Variants in CD101 observed in about 807,000 individuals in gnomAD.
The protein encoded by CD101 is CD101 molecule.
In CD101, 76 loss-of-function variants were observed where a neutral mutation model predicts 98.2. The ratio of observed to expected loss-of-function variants is 0.77; its 90% CI spans 0.64 to 0.94. The LOEUF (loss-of-function observed/expected upper bound fraction) is 0.94. Among genes scored for constraint, CD101 ranks in the 40% least tolerant of loss-of-function variants. The pLI, the probability that CD101 is intolerant of heterozygous loss-of-function variation, is 0.00. For missense variants in CD101, 1,145 were observed against 1,218.8 expected (o/e 0.94, Z 0.90); for synonymous variants, 471 against 472.7 (o/e 1.00, Z 0.05).
In CD101 at chr1:117,023,156, G is replaced by A. The variant is rs1223155308; in HGVS notation, c.2428+1173G>A. ...CTCAGCATGCCCTAAATTGCACTTAGCATCTCTGCCATCTCACCATGCTCA... is the reference window on the plus strand; with the variant it reads ...CTCAGCATGCCCTAAATTGCACTTAACATCTCTGCCATCTCACCATGCTCA... On this transcript the variant is annotated intron_variant, in intron 7 of 9. Transcript: ENST00000682167. The surrounding 1 kb of genome is among the most constrained non-coding windows in gnomAD (Gnocchi z 4.4). Among the ~76,000 whole-genome samples, 1 of 152,130 alleles carries A rather than the reference G, an allele frequency of 6.6e-6. No individual in the cohort carries two copies. Among genetic ancestry groups the A allele is most frequent in the Admixed American group, 6.5e-5 (1 of 15,272 alleles).
intron 1 of CD101, among the ~76,000 whole-genome samples, 197 bp from the exon 2 acceptor site, chr1:117,009,652 TA>T (rs1274876604): frequency 2.0e-5 from 3 of 152,204 alleles, no homozygotes; most frequent in Non-Finnish European, 4.4e-5. Flanking sequence ...AAGTTAAAGT[TA>T]TAAAAGAACA....
At chr1:117,029,014 GTTT>G (rs1654141717) in intron 8 of CD101, among the ~76,000 whole-genome samples, 1 of 151,416 alleles carries the variant, frequency 6.6e-6, no homozygotes, top group Non-Finnish European at 1.5e-5. Flanking sequence ...GCACATTTAT[GTTT>G]TAGAGGGGAG....
chr1:117,021,245 G>A lies in CD101; in HGVS notation c.2018-328G>A, dbSNP rs549304522. Among the ~76,000 whole-genome samples the A allele has an allele frequency of 5.3e-5, 8 of 152,320 alleles. No individual in the cohort carries two copies. Among genetic ancestry groups the A allele is most frequent in the African/African-American group, 7.2e-5 (3 of 41,562 alleles). On this transcript the variant is annotated intron_variant, in intron 6 of 9. Transcript: ENST00000682167. This position sits in a 1 kb window ranked among gnomAD's most constrained non-coding sequence, Gnocchi z 4.7. ...GTATCATGTGGAAGAGAGATACTGG[G>A]CTTGTCTGTGTGACACTCCCTCTGC...
chr1:117,029,394 C>T (rs1654299316), intron 8 of CD101, among the ~76,000 whole-genome samples: 1 of 152,218 alleles, frequency 6.6e-6, no homozygotes, highest in African/African-American at 2.4e-5. Context: ...TCCAACATCT[C>T]ACCATGCATG....
In CD101 at chr1:117,017,388, T is replaced by C. The variant is rs1653299606; in HGVS notation, c.1527T>C (p.Tyr509=). ...TFTAITDSGT[Y]ECRVSEKSRN... ...CTGCCATCACAGACAGTGGCACATA[T>C]GAGTGCAGAGTATCTGAGAAGTCTC... The change falls in exon 5 of 10, where the codon TAT becomes TAC. Residue 509 remains tyrosine, a synonymous_variant. Coordinates refer to ENST00000682167, the MANE Select transcript of CD101 (RefSeq NM_001256106.3). 1.9e-6 allele frequency: 3 copies of C among 1,614,228 alleles called. No individual in the cohort carries two copies. Among genetic ancestry groups the C allele is most frequent in the Admixed American group, 1.7e-5 (1 of 60,028 alleles).
Position 117,010,433 on chromosome 1 carries a change from T to A in CD101, c.424+203T>A, listed in dbSNP as rs936838189. ...ATTATCTGTTTCTTTTTCTCAATTA[T>A]CTTTGCCATAAATATTTAGATGGTG... On this transcript the variant is annotated intron_variant, in intron 2 of 9. Transcript: ENST00000682167. This position sits in a 1 kb window ranked among gnomAD's most constrained non-coding sequence, Gnocchi z 5.2. 1.3e-5 allele frequency among the ~76,000 whole-genome samples: 2 copies of A among 152,230 alleles called. No homozygotes were observed. Among genetic ancestry groups the A allele is most frequent in the Non-Finnish European group, 2.9e-5 (2 of 68,042 alleles).
chr1:117,011,480 G>A, intron 2 of CD101, 70 bp from the exon 3 acceptor site: 3 of 1,350,734 alleles, frequency 2.2e-6, no homozygotes, highest in Middle Eastern at 2.4e-4. Context: ...GGTAGCTCAG[G>A]GCGCCATCTA....
chr1:117,028,107 A>AAAT (rs148309572), intron 8 of CD101, among the ~76,000 whole-genome samples: 183 of 148,158 alleles, frequency 1.2e-3, no homozygotes, highest in African/African-American at 3.8e-3. Context: ...ATAAATAAAT[A>AAAT]AAATAAAATA....
intron 1 of CD101, 75 bp from the exon 2 acceptor site, chr1:117,009,775 A>G: frequency 6.9e-7 from 1 of 1,446,310 alleles, no homozygotes; most frequent in South Asian, 1.4e-5. Context: ...TAATACAGGG[A>G]AATACATAAC....
At chr1:117,009,139 A>T (rs939367587) in intron 1 of CD101, among the ~76,000 whole-genome samples, 2 of 152,250 alleles carry the variant, frequency 1.3e-5, no homozygotes, top group Non-Finnish European at 2.9e-5. Context: ...AGTGGTCCCA[A>T]TGGAAAACTT....
intron 8 of CD101, among the ~76,000 whole-genome samples, chr1:117,029,151 GA>G (rs1333292785): frequency 1.2e-5 from 1 of 85,958 alleles, no homozygotes; most frequent in Non-Finnish European, 2.4e-5. Context: ...AAGAAAGAAA[GA>G]AAGAAAGAAA....
intron 1 of CD101, among the ~76,000 whole-genome samples, chr1:117,002,690 TTTAAA>T (rs1285590812): frequency 6.6e-6 from 1 of 152,226 alleles, no homozygotes; most frequent in African/African-American, 2.4e-5. Context: ...ATCAAAATAT[TTTAAA>T]TAAATTATAA....
rs749395756 is a variant in CD101 at position 117,033,387 on chromosome 1, C to T, written c.2825-473C>T. 2.6e-5 allele frequency among the ~76,000 whole-genome samples: 4 copies of T among 151,936 alleles called. No individual in the cohort carries two copies. Among genetic ancestry groups the T allele is most frequent in the Non-Finnish European group, 5.9e-5 (4 of 67,980 alleles). On this transcript the variant is annotated intron_variant, in intron 8 of 9. Coordinates refer to ENST00000682167, the MANE Select transcript of CD101 (RefSeq NM_001256106.3). This position sits in a 1 kb window ranked among gnomAD's most constrained non-coding sequence, Gnocchi z 4.8. ...TGTGGGTGTGATTGTTTTATAAGGA[C>T]AGTGCAGAGTGCAGGGCAGAGTGTG...
At position 117,004,732 on chromosome 1, in the gene CD101, T is replaced by G. The variant is rs771122686; in HGVS notation, c.43+2872T>G. On this transcript the variant is annotated intron_variant, in intron 1 of 9. Transcript: ENST00000682167. This position sits in a 1 kb window ranked among gnomAD's most constrained non-coding sequence, Gnocchi z 4.1. ...CTTATGGCCCCAGTGCATAGCCATT[T>G]GAGTTGATCTCTGCCAGTCATGCCT... Among the ~76,000 whole-genome samples the G allele has an allele frequency of 4.6e-5, 7 of 152,178 alleles. No individual in the cohort carries two copies. Among genetic ancestry groups the G allele is most frequent in the Non-Finnish European group, 1.0e-4 (7 of 68,030 alleles).
At chr1:117,027,226 C>G (rs949133711) in intron 8 of CD101, among the ~76,000 whole-genome samples, 1 of 152,334 alleles carries the variant, frequency 6.6e-6, no homozygotes, top group South Asian at 2.1e-4. Context: ...TACACACATA[C>G]CTACATGTGT....
At position 117,017,415 on chromosome 1, in the gene CD101, G is replaced by C. The variant is rs773136077; in HGVS notation, c.1554G>C (p.Arg518=). Residue 518 remains arginine, a synonymous_variant, in exon 5 of 10, where the codon CGG becomes CGC. Coordinates refer to ENST00000682167, the MANE Select transcript of CD101 (RefSeq NM_001256106.3). ...TYECRVSEKS[R]NQARDLSWTQ... ...AGTGCAGAGTATCTGAGAAGTCTCG[G>C]AACCAGGCCAGAGATCTGAGCTGGA... 33 of 1,614,090 alleles carry C rather than the reference G, an allele frequency of 2.0e-5. No individual in the cohort carries two copies. Among genetic ancestry groups the C allele is most frequent in the Non-Finnish European group, 3.4e-6 (4 of 1,180,026 alleles).
At position 117,005,114 on chromosome 1, in the gene CD101, C is replaced by T. The variant is rs1652456205; in HGVS notation, c.43+3254C>T. ...TCCTAAATGCCCCATCTCCTAATACCATCACCTTGGAAATTAGGTTTCTGC... is the reference window on the plus strand; with the variant it reads ...TCCTAAATGCCCCATCTCCTAATACTATCACCTTGGAAATTAGGTTTCTGC... On this transcript the variant is annotated intron_variant, in intron 1 of 9. Transcript: ENST00000682167. This position sits in a 1 kb window ranked among gnomAD's most constrained non-coding sequence, Gnocchi z 4.4. Among the ~76,000 whole-genome samples, 5 of 152,130 alleles carry T rather than the reference C, an allele frequency of 3.3e-5. No homozygotes were observed. Among genetic ancestry groups the T allele is most frequent in the Admixed American group, 3.3e-4 (5 of 15,274 alleles).
chr1:117,013,654 A>G lies in CD101; in HGVS notation c.1090A>G (p.Ile364Val), dbSNP rs1653024957. 6.2e-7 allele frequency: 1 copy of G among 1,614,082 alleles called. No individual in the cohort carries two copies. ...AGGCCCCAAGGCTTTCTCTCTCAAG[A>G]TCTTCTCTCTGGGCCCAGAGGATGA... ...KLGPKAFSLK[I>V]FSLGPEDEGA... is the part of the protein sequence containing the mutation. Residue 364 changes from isoleucine to valine, a missense_variant, in exon 4 of 10, where the codon ATC becomes GTC. Transcript: ENST00000682167.
Position 117,021,372 on chromosome 1 carries a change from A to T in CD101, c.2018-201A>T, listed in dbSNP as rs1653570714. 6.6e-6 allele frequency among the ~76,000 whole-genome samples: 1 copy of T among 152,178 alleles called. No individual in the cohort carries two copies. On this transcript the variant is annotated intron_variant, in intron 6 of 9. Coordinates refer to ENST00000682167, the MANE Select transcript of CD101 (RefSeq NM_001256106.3). The surrounding 1 kb of genome is among the most constrained non-coding windows in gnomAD (Gnocchi z 4.7). Reference sequence around the variant, plus strand: ...ATCAGAAAGCATTCTGGAGGGGCAGAGCTGTCCAGAGATGAAATGGGCTGC... The same window carrying T: ...ATCAGAAAGCATTCTGGAGGGGCAGTGCTGTCCAGAGATGAAATGGGCTGC...
Sources: gnomAD v4.1 joint callset for allele counts (sites outside exome capture counted in the v4.1 genomes callset) on GRCh38, gnomAD v4.1.1 for gene constraint, Gnocchi (gnomAD v3.1) non-coding constraint, MANE v1.5 for transcripts, NCBI Gene and HGNC (gene_info 2026-07-23, HGNC 2026-07-21) for gene names.